The following ENTPD3 variants were observed in gnomAD, a reference collection of about 807,000 sequenced individuals.
ENTPD3 encodes ectonucleoside triphosphate diphosphohydrolase 3.
ENTPD3 carries 60 observed loss-of-function variants against 51.2 expected under a neutral mutation model. The ratio of observed to expected loss-of-function variants is 1.17; its 90% CI spans 0.95 to 1.45. The LOEUF is 1.45. Among genes scored for constraint, ENTPD3 ranks in the 40% most tolerant of loss-of-function variants. The pLI is 0.00. For synonymous variants in ENTPD3, 221 were observed against 238.4 expected (o/e 0.93, Z 0.67); for missense variants, 593 against 641.1 (o/e 0.93, Z 0.81).
chr3:40,426,946 TAGC>T (rs1955997131), intron 10 of ENTPD3, among the ~76,000 whole-genome samples: 2 of 152,182 alleles, frequency 1.3e-5, no homozygotes, highest in South Asian at 4.1e-4. Context: ...AACCACTCAT[TAGC>T]CTCTTTCTCT....
At chr3:40,398,628 G>A (rs1955266405) in intron 3 of ENTPD3, among the ~76,000 whole-genome samples, 1 of 152,198 alleles carries the variant, frequency 6.6e-6, no homozygotes, top group African/African-American at 2.4e-5. Flanking sequence ...CTGAAGGGCT[G>A]AGATTAAGAG....
At chr3:40,416,110 C>T (rs1263175155) in intron 7 of ENTPD3, 37 bp downstream of exon 7, 1 of 1,522,692 alleles carries the variant, frequency 6.6e-7, no homozygotes, top group Admixed American at 1.7e-5. Context: ...CAGGTGTTCT[C>T]TTGAGGGTTT....
intron 1 of ENTPD3, 199 bp from the exon 2 acceptor site, chr3:40,387,847 T>G (rs12493020): frequency 0.98 from 526,186 of 534,982 alleles, 259,109 homozygotes; most frequent in East Asian, 1. Flanking sequence ...TCATTTCCTT[T>G]CATTTGGGGA....
intron 4 of ENTPD3, among the ~76,000 whole-genome samples, chr3:40,408,062 AC>A (rs1955543982): frequency 6.6e-6 from 1 of 152,142 alleles, no homozygotes; most frequent in Non-Finnish European, 1.5e-5. Context: ...AAAATAAGAG[AC>A]CTACTCCATT....
At chr3:40,420,446 A>G (rs911236538) in intron 7 of ENTPD3, among the ~76,000 whole-genome samples, 2 of 151,790 alleles carry the variant, frequency 1.3e-5, no homozygotes, top group Non-Finnish European at 2.9e-5. Context: ...TCACTGTGTT[A>G]GCCAGGATGG....
At chr3:40,414,555 C>T in intron 5 of ENTPD3, 126 bp from the exon 6 acceptor site, 2 of 1,060,506 alleles carry the variant, frequency 1.9e-6, no homozygotes, top group Non-Finnish European at 2.7e-6. Context: ...CAGCACACAT[C>T]TGGAAAATCA....
intron 3 of ENTPD3, among the ~76,000 whole-genome samples, chr3:40,397,264 T>C (rs1051210744): frequency 1.3e-5 from 2 of 151,984 alleles, no homozygotes; most frequent in Non-Finnish European, 2.9e-5. Flanking sequence ...ATGCACCTGA[T>C]TACTGAACAG....
chr3:40,423,893 T>C lies in ENTPD3; in HGVS notation c.1283T>C (p.Ile428Thr), dbSNP rs752532416. The C allele has an allele frequency of 1.2e-6, 2 of 1,614,052 alleles. No individual in the cohort carries two copies. The highest frequency in any genetic ancestry group is 1.3e-5 in the African/African-American group (1 of 74,910). The change falls in exon 10 of 11, where the codon ATC becomes ACC. Residue 428 changes from isoleucine (I) to threonine (T), a missense_variant. Coordinates refer to ENST00000301825, the MANE Select transcript of ENTPD3 (RefSeq NM_001248.4). ...ARSYCFSANY[I>T]YHLFVNGYKF... ...TCTTACTGCTTCTCAGCCAACTACA[T>C]CTACCACTTGTTTGTGAACGGTTAC...
intron 4 of ENTPD3, among the ~76,000 whole-genome samples, chr3:40,407,788 T>C (rs1170177534): frequency 6.6e-6 from 1 of 151,994 alleles, no homozygotes; most frequent in Admixed American, 6.6e-5. Context: ...AGAACCCAAA[T>C]CCAAGGTAGT....
intron 10 of ENTPD3, chr3:40,425,136 G>A: frequency 4.8e-6 from 1 of 208,322 alleles, no homozygotes; most frequent in South Asian, 7.6e-5. Context: ...TGAAGATGTA[G>A]GCTGGGCACG....
At chr3:40,420,127 T>C (rs989405706) in intron 7 of ENTPD3, among the ~76,000 whole-genome samples, 1 of 152,190 alleles carries the variant, frequency 6.6e-6, no homozygotes, top group Non-Finnish European at 1.5e-5. Flanking sequence ...ATTTTAAAAG[T>C]ATAAATCTCC....
intron 7 of ENTPD3, among the ~76,000 whole-genome samples, chr3:40,419,892 A>T (rs1227682985): frequency 6.6e-6 from 1 of 152,228 alleles, no homozygotes; most frequent in South Asian, 2.1e-4. Context: ...TTTTCATGAC[A>T]GTGCCCTGCA....
chr3:40,388,866 T>G lies in ENTPD3; in HGVS notation c.40+769T>G, dbSNP rs535143521. ...GTTTGCTTAAGGTAATCATAGCTTTTTACTTGAAAACTGCTGAAACACAGA... is the reference window on the plus strand; with the variant it reads ...GTTTGCTTAAGGTAATCATAGCTTTGTACTTGAAAACTGCTGAAACACAGA... On this transcript the variant is annotated intron_variant, in intron 2 of 10. Transcript: ENST00000301825. Among the ~76,000 whole-genome samples, 4 of 152,304 alleles carry G rather than the reference T, an allele frequency of 2.6e-5. No individual in the cohort carries two copies. The East Asian group carries it at 5.8e-4, about 22-fold the overall frequency.
At chr3:40,414,659 G>T (rs977166440) in intron 5 of ENTPD3, 22 bp from the exon 6 acceptor site, 1 of 1,613,408 alleles carries the variant, frequency 6.2e-7, no homozygotes. Context: ...ACTCAGACTT[G>T]TTTGTTCTGT....
Position 40,397,388 on chromosome 3 carries a change from C to T in ENTPD3, c.169-3506C>T, listed in dbSNP as rs1369616270. 8.6e-5 allele frequency among the ~76,000 whole-genome samples: 13 copies of T among 151,808 alleles called. No homozygotes were observed. In the East Asian group the frequency reaches 2.5e-3, roughly 29 times the overall value. On this transcript the variant is annotated intron_variant, in intron 3 of 10. Transcript: ENST00000301825. ...TTGGAGCTCAGTGAAAACATCATGG[C>T]TATGAGTACAGGTTTTAGAGTCCGT... is the stretch of plus-strand genomic sequence containing the variant.
At chr3:40,388,738 G>A (rs1337403274) in intron 2 of ENTPD3, among the ~76,000 whole-genome samples, 1 of 152,174 alleles carries the variant, frequency 6.6e-6, no homozygotes, top group Non-Finnish European at 1.5e-5. Context: ...TACCATGTTT[G>A]TCCAGCCCTA....
At chr3:40,423,263 A>G (rs949555159) in intron 8 of ENTPD3, 28 bp from the exon 9 acceptor site, 3 of 1,591,674 alleles carry the variant, frequency 1.9e-6, no homozygotes, top group Non-Finnish European at 2.6e-6. Context: ...TCTGAGAACT[A>G]ATTTTCTTCT....
intron 4 of ENTPD3, among the ~76,000 whole-genome samples, chr3:40,409,573 GT>G (rs951002728): frequency 6.6e-6 from 1 of 152,290 alleles, no homozygotes; most frequent in African/African-American, 2.4e-5. Flanking sequence ...CAATGCTCAG[GT>G]TTTTTTATTG....
chr3:40,411,738 T>C (rs753605550), intron 4 of ENTPD3, 74 bp from the exon 5 acceptor site: 8 of 1,461,214 alleles, frequency 5.5e-6, no homozygotes, highest in South Asian at 4.6e-5. Context: ...AGCCAATTTG[T>C]TTTTTATTTA....
Sources: gnomAD v4.1 joint callset for allele counts (sites outside exome capture counted in the v4.1 genomes callset) on GRCh38, gnomAD v4.1.1 for gene constraint, MANE v1.5 for transcripts, NCBI Gene and HGNC (gene_info 2026-07-23, HGNC 2026-07-21) for gene names.